Variants in MGAT5 observed in about 807,000 individuals in gnomAD.
MGAT5 encodes alpha-1,6-mannosylglycoprotein 6-beta-N-acetylglucosaminyltransferase.
Under a neutral mutation model 94.3 loss-of-function variants are expected in MGAT5, and 30 were observed. That is an observed-to-expected ratio of 0.32 (90% CI 0.24 to 0.43). The LOEUF (loss-of-function observed/expected upper bound fraction) is 0.43. Ranked by LOEUF, MGAT5 falls within the 20% of genes least tolerant of loss-of-function variation. The probability of loss-of-function intolerance (pLI) is 1.00; values close to 1 mark genes in which losing one functional copy is unlikely to be tolerated. For synonymous variants in MGAT5, 310 were observed against 322.9 expected (o/e 0.96, Z 0.43); for missense variants, 691 against 905.5 (o/e 0.76, Z 3.04).
chr2:134,382,271 C>T (rs3762489), intron 10 of MGAT5, among the ~76,000 whole-genome samples: 27,057 of 151,920 alleles, frequency 0.18, 2,576 homozygotes, highest in Middle Eastern at 0.27. Context: ...AAATAAAGTC[C>T]TAGTGCCCAG....
At chr2:134,351,694 T>C (rs1679393166) in intron 9 of MGAT5, among the ~76,000 whole-genome samples, 1 of 152,074 alleles carries the variant, frequency 6.6e-6, no homozygotes, top group Admixed American at 6.6e-5. Flanking sequence ...GACTCAGAAT[T>C]CAGCAGAAAT....
intron 1 of MGAT5, among the ~76,000 whole-genome samples, chr2:134,166,920 C>T (rs1687988183): frequency 6.6e-6 from 1 of 152,014 alleles, no homozygotes; most frequent in Admixed American, 6.6e-5. Flanking sequence ...ACAGACTTGT[C>T]TCTTGTCAAT....
At chr2:134,324,464 G>A (rs769958559) in intron 4 of MGAT5, among the ~76,000 whole-genome samples, 3 of 152,126 alleles carry the variant, frequency 2.0e-5, no homozygotes, top group Non-Finnish European at 4.4e-5. Context: ...AATATTGGCT[G>A]AGCATGTAAT....
intron 1 of MGAT5, among the ~76,000 whole-genome samples, chr2:134,170,120 C>T (rs1688136720): frequency 1.3e-5 from 2 of 152,106 alleles, no homozygotes. Context: ...ATCATTTAGG[C>T]CCGAGGCATG....
intron 2 of MGAT5, among the ~76,000 whole-genome samples, chr2:134,278,785 T>C (rs1278735692): frequency 6.6e-6 from 1 of 152,184 alleles, no homozygotes; most frequent in African/African-American, 2.4e-5. Context: ...TTCATGCTCT[T>C]ACACACTTAA....
chr2:134,129,443 A>T (rs1239166185), intron 1 of MGAT5, among the ~76,000 whole-genome samples: 1 of 152,232 alleles, frequency 6.6e-6, no homozygotes, highest in Non-Finnish European at 1.5e-5. Flanking sequence ...GGGGATTAGT[A>T]TATGATGAAC....
intron 2 of MGAT5, among the ~76,000 whole-genome samples, chr2:134,290,497 T>C (rs548011335): frequency 6.6e-6 from 1 of 152,372 alleles, no homozygotes; most frequent in African/African-American, 2.4e-5. Context: ...TATGGCTTCC[T>C]GTCTTTAGTC....
At position 134,382,752 on chromosome 2, in the gene MGAT5, T is replaced by G. The variant is rs559274558; in HGVS notation, c.1381-20236T>G. Reference sequence around the variant, plus strand: ...CTTCTACCATTTCCTTTGTCAGACCTGCTGAGGCCAACAGCCCACTGAACA... The same window carrying G: ...CTTCTACCATTTCCTTTGTCAGACCGGCTGAGGCCAACAGCCCACTGAACA... On this transcript the variant is annotated intron_variant, in intron 10 of 15. Coordinates refer to ENST00000281923, the MANE Select transcript of MGAT5 (RefSeq NM_002410.5). 1.2e-4 allele frequency among the ~76,000 whole-genome samples: 19 copies of G among 152,326 alleles called. No individual in the cohort carries two copies. In the South Asian group the frequency reaches 3.7e-3, roughly 30 times the overall value.
chr2:134,371,660 C>G (rs1172099647), intron 10 of MGAT5, among the ~76,000 whole-genome samples: 1 of 152,196 alleles, frequency 6.6e-6, no homozygotes, highest in Non-Finnish European at 1.5e-5. Flanking sequence ...GACTTGGAGC[C>G]TGTCAGCTCC....
intron 6 of MGAT5, among the ~76,000 whole-genome samples, chr2:134,339,698 A>T (rs1371657919): frequency 6.6e-6 from 1 of 152,188 alleles, no homozygotes; most frequent in Non-Finnish European, 1.5e-5. Flanking sequence ...TGTAGATTTG[A>T]TGCTGGAATC....
chr2:134,358,561 C>T (rs945516156), intron 9 of MGAT5, among the ~76,000 whole-genome samples: 8 of 152,066 alleles, frequency 5.3e-5, no homozygotes, highest in Non-Finnish European at 8.8e-5. Flanking sequence ...GGGACTACAC[C>T]GACTGTGAGG....
intron 10 of MGAT5, among the ~76,000 whole-genome samples, chr2:134,371,920 C>G (rs1452195870): frequency 6.9e-6 from 1 of 145,228 alleles, no homozygotes; most frequent in African/African-American, 2.6e-5. Context: ...GAACCTAGGT[C>G]TGTGTTTGTT....
At chr2:134,399,212 GTAAAA>G (rs1280390092) in intron 10 of MGAT5, among the ~76,000 whole-genome samples, 4 of 152,148 alleles carry the variant, frequency 2.6e-5, no homozygotes, top group East Asian at 1.9e-4. Flanking sequence ...TAAAAATGTT[GTAAAA>G]TAAGTTGGGG....
chr2:134,284,170 G>A (rs1392697998), intron 2 of MGAT5, among the ~76,000 whole-genome samples: 1 of 152,170 alleles, frequency 6.6e-6, no homozygotes, highest in Non-Finnish European at 1.5e-5. Context: ...AATCCTTGGT[G>A]GATGGTTCTC....
chr2:134,138,968 T>C (rs1686543026), intron 1 of MGAT5, among the ~76,000 whole-genome samples: 1 of 152,180 alleles, frequency 6.6e-6, no homozygotes, highest in Non-Finnish European at 1.5e-5. Flanking sequence ...TACTTTCCAT[T>C]ACATGCTGTT....
chr2:134,307,487 GC>G, intron 2 of MGAT5, among the ~76,000 whole-genome samples: 1 of 151,838 alleles, frequency 6.6e-6, no homozygotes, highest in African/African-American at 2.4e-5. Context: ...ACTTCCCCTG[GC>G]CATTGTACTG....
At chr2:134,363,510 C>T (rs994112557) in intron 10 of MGAT5, among the ~76,000 whole-genome samples, 13 of 152,206 alleles carry the variant, frequency 8.5e-5, no homozygotes, top group African/African-American at 2.4e-5. Flanking sequence ...CAACTGCAGA[C>T]GATTTTATTT....
At chr2:134,123,816 G>A (rs13382643) in intron 1 of MGAT5, among the ~76,000 whole-genome samples, 12,554 of 152,118 alleles carry the variant, frequency 0.083, 822 homozygotes, top group African/African-American at 0.18. Context: ...GTGACAATTG[G>A]GTGATAGGGT....
chr2:134,421,429 C>T (rs980398132), intron 12 of MGAT5, among the ~76,000 whole-genome samples: 9 of 151,798 alleles, frequency 5.9e-5, no homozygotes, highest in Non-Finnish European at 5.9e-5. Context: ...ACTAAAAATA[C>T]AAAAACTTAG....
Sources: allele counts gnomAD v4.1 joint callset (sites outside exome capture counted in the v4.1 genomes callset), GRCh38; gene constraint gnomAD v4.1.1; transcripts MANE v1.5; gene names NCBI Gene and HGNC (gene_info 2026-07-23, HGNC 2026-07-21).